The following CFAP300 variants were observed in gnomAD, a reference collection of about 807,000 sequenced individuals.
The protein encoded by CFAP300 is cilia- and flagella-associated protein 300.
In CFAP300, 32 loss-of-function variants were observed where a neutral mutation model predicts 33.0. The ratio of observed to expected loss-of-function variants is 0.97; its 90% CI spans 0.73 to 1.30. The LOEUF is 1.30. Ranked by LOEUF, CFAP300 falls within the 50% of genes most tolerant of loss-of-function variation. The pLI is 0.00. For synonymous variants in CFAP300, 102 were observed against 106.8 expected (o/e 0.95, Z 0.28); for missense variants, 356 against 318.1 (o/e 1.12, Z -0.90).
intron 2 of CFAP300, among the ~76,000 whole-genome samples, chr11:102,057,455 T>A (rs1053092708): frequency 7.9e-5 from 12 of 152,156 alleles, no homozygotes; most frequent in Non-Finnish European, 1.6e-4. Context: ...TAGTTTTTTT[T>A]TTTAATCACT....
intron 2 of CFAP300, among the ~76,000 whole-genome samples, chr11:102,055,736 G>A (rs1335158417): frequency 3.5e-5 from 5 of 141,348 alleles, no homozygotes; most frequent in South Asian, 2.3e-4. Context: ...GCAGTGGCAC[G>A]ATCTTGGCTC....
At chr11:102,057,641 A>T (rs1430006950) in intron 2 of CFAP300, among the ~76,000 whole-genome samples, 1 of 152,254 alleles carries the variant, frequency 6.6e-6, no homozygotes, top group East Asian at 1.9e-4. Context: ...ACCTCCCAAA[A>T]TGCAAGGAAC....
intron 2 of CFAP300, among the ~76,000 whole-genome samples, chr11:102,055,399 C>T (rs1942038284): frequency 7.5e-6 from 1 of 133,936 alleles, no homozygotes; most frequent in African/African-American, 2.9e-5. Flanking sequence ...CTGTGTCACC[C>T]AGGCTGGAGT....
At chr11:102,070,207 A>G (rs1457703989) in intron 4 of CFAP300, among the ~76,000 whole-genome samples, 1 of 152,214 alleles carries the variant, frequency 6.6e-6, no homozygotes, top group African/African-American at 2.4e-5. Flanking sequence ...CCAGAGAGCA[A>G]TTAAGTATGG....
intron 3 of CFAP300, among the ~76,000 whole-genome samples, chr11:102,061,408 A>G (rs187219005): frequency 6.6e-6 from 1 of 152,278 alleles, no homozygotes; most frequent in African/African-American, 2.4e-5. Flanking sequence ...AACCAGTTCT[A>G]AAGAAAGTGA....
intron 3 of CFAP300, among the ~76,000 whole-genome samples, chr11:102,063,421 A>G (rs1942179918): frequency 6.6e-6 from 1 of 152,226 alleles, no homozygotes; most frequent in African/African-American, 2.4e-5. Flanking sequence ...TCACAGGTTT[A>G]CAGCTGGAGA....
chr11:102,082,047 T>C (rs73593091), intron 6 of CFAP300, among the ~76,000 whole-genome samples: 14,739 of 152,116 alleles, frequency 0.097, 987 homozygotes, highest in African/African-American at 0.18. Context: ...ATATACTGTG[T>C]ATCAGCTATT....
At chr11:102,053,421 G>A (rs1252062189) in intron 2 of CFAP300, among the ~76,000 whole-genome samples, 3 of 151,750 alleles carry the variant, frequency 2.0e-5, no homozygotes, top group Non-Finnish European at 4.4e-5. Flanking sequence ...CATGGTGGCG[G>A]GTGCCTATAA....
intron 3 of CFAP300, among the ~76,000 whole-genome samples, chr11:102,063,239 A>G (rs1357134667): frequency 6.6e-6 from 1 of 152,248 alleles, no homozygotes; most frequent in African/African-American, 2.4e-5. Context: ...ATCAAACCAA[A>G]GAAGATTATC....
intron 3 of CFAP300, among the ~76,000 whole-genome samples, chr11:102,065,742 G>A (rs1430067540): frequency 6.6e-6 from 1 of 151,706 alleles, no homozygotes; most frequent in Non-Finnish European, 1.5e-5. Context: ...ACTCTAGCAT[G>A]GGAAACAAGA....
chr11:102,057,555 A>G (rs1380099604), intron 2 of CFAP300, among the ~76,000 whole-genome samples: 3 of 152,050 alleles, frequency 2.0e-5, no homozygotes, highest in African/African-American at 7.2e-5. Context: ...CTTCACAGAC[A>G]TTATGTTTTC....
intron 2 of CFAP300, chr11:102,057,849 G>A (rs1214457318): frequency 6.6e-6 from 1 of 152,262 alleles, no homozygotes; most frequent in African/African-American, 2.4e-5. Flanking sequence ...GGGAGTGATG[G>A]TGATGTCTAC....
chr11:102,057,135 C>G (rs1942072365), intron 2 of CFAP300, among the ~76,000 whole-genome samples: 1 of 151,672 alleles, frequency 6.6e-6, no homozygotes, highest in African/African-American at 2.4e-5. Flanking sequence ...GTCAGGAGTT[C>G]AAGACTAGCC....
intron 5 of CFAP300, among the ~76,000 whole-genome samples, chr11:102,076,313 C>G (rs1003383239): frequency 2.0e-5 from 3 of 152,172 alleles, no homozygotes; most frequent in African/African-American, 7.2e-5. Context: ...TACAAACTGC[C>G]ATCTTCCAAG....
intron 4 of CFAP300, among the ~76,000 whole-genome samples, chr11:102,071,983 T>C (rs1454829335): frequency 2.0e-5 from 3 of 152,192 alleles, no homozygotes; most frequent in African/African-American, 4.8e-5. Flanking sequence ...GTTGTACTTA[T>C]TTGGGGATCT....
chr11:102,078,795 G>A (rs971568642), intron 5 of CFAP300, among the ~76,000 whole-genome samples: 31 of 151,998 alleles, frequency 2.0e-4, no homozygotes, highest in Non-Finnish European at 2.6e-4. Flanking sequence ...TGCAACCTCC[G>A]CCTACCGAGT....
chr11:102,068,005 C>G (rs1565394354), intron 4 of CFAP300, among the ~76,000 whole-genome samples: 1 of 152,142 alleles, frequency 6.6e-6, no homozygotes. Context: ...TGTCAAATAG[C>G]CATATGTTCA....
intron 4 of CFAP300, 62 bp downstream of exon 4, chr11:102,066,713 A>G: frequency 6.8e-7 from 1 of 1,478,036 alleles, no homozygotes; most frequent in African/African-American, 1.4e-5. Context: ...AAAAATGGCA[A>G]AAACTTTGCC....
intron 1 of CFAP300, 41 bp from the exon 2 acceptor site, chr11:102,047,774 T>C (rs762733015): frequency 1.2e-6 from 2 of 1,600,918 alleles, no homozygotes; most frequent in Non-Finnish European, 1.7e-6. Flanking sequence ...TCTGAGAGGG[T>C]GCCAGCCCCC....
Sources: gnomAD v4.1 joint callset for allele counts (sites outside exome capture counted in the v4.1 genomes callset) on GRCh38, gnomAD v4.1.1 for gene constraint, MANE v1.5 for transcripts, NCBI Gene and HGNC (gene_info 2026-07-23, HGNC 2026-07-21) for gene names.